IMMP2L: variants seen among roughly 807,000 people sequenced by gnomAD.
IMMP2L encodes the protein inner mitochondrial membrane peptidase subunit 2, also known as mitochondrial inner membrane protease subunit 2.
IMMP2L carries 18 observed loss-of-function variants against 19.3 expected under a neutral mutation model. The observed-to-expected ratio is 0.93, with a 90% CI of 0.64 to 1.38. The LOEUF is 1.38. IMMP2L is among the 40% of genes most tolerant of loss of function. The pLI is 0.00. For synonymous variants in IMMP2L, 76 were observed against 73.0 expected (o/e 1.04, Z -0.21); for missense variants, 233 against 218.2 (o/e 1.07, Z -0.43).
chr7:111,036,395 T>C (rs1585881044), intron 3 of IMMP2L, among the ~76,000 whole-genome samples: 2 of 152,198 alleles, frequency 1.3e-5, no homozygotes, highest in East Asian at 3.9e-4. Flanking sequence ...AGTGTTCGCA[T>C]TTGAGGATTA....
intron 3 of IMMP2L, among the ~76,000 whole-genome samples, chr7:111,009,717 A>T (rs1563156083): frequency 6.6e-6 from 1 of 152,136 alleles, no homozygotes; most frequent in Non-Finnish European, 1.5e-5. Context: ...ATCTTTGGCA[A>T]CACCATAAGC....
intron 3 of IMMP2L, among the ~76,000 whole-genome samples, chr7:111,239,367 C>A (rs554460138): frequency 4.6e-5 from 7 of 152,008 alleles, no homozygotes; most frequent in African/African-American, 1.4e-4. Context: ...AACGAATTAA[C>A]AACAAACCAT....
intron 4 of IMMP2L, among the ~76,000 whole-genome samples, chr7:110,894,643 C>T (rs1429340879): frequency 6.6e-6 from 1 of 152,066 alleles, no homozygotes; most frequent in East Asian, 1.9e-4. Flanking sequence ...TAAATATTTT[C>T]TCCTAATCTC....
rs1809034062 is a variant in IMMP2L, at chr7:111,192,772, T to C, written c.240-229207A>G. ...GAGTGCAAAGTACACAAAGAGAAGA[T>C]CAAATGCAGAACTAAAACAAATAGC... On this transcript the variant is annotated intron_variant, in intron 3 of 5. Coordinates refer to ENST00000405709, the MANE Select transcript of IMMP2L (RefSeq NM_032549.4). Among the ~76,000 whole-genome samples, 4 of 151,864 alleles carry C rather than the reference T, an allele frequency of 2.6e-5. 1 individual carries two copies. Among genetic ancestry groups the C allele is most frequent in the South Asian group, 2.1e-4 (1 of 4,820 alleles).
At chr7:111,206,022 C>T (rs576158529) in intron 3 of IMMP2L, among the ~76,000 whole-genome samples, 69 of 152,298 alleles carry the variant, frequency 4.5e-4, no homozygotes, top group Non-Finnish European at 7.8e-4. Flanking sequence ...ACAATTAAAA[C>T]GTGCTACAAA....
intron 3 of IMMP2L, among the ~76,000 whole-genome samples, chr7:111,011,205 T>C (rs1213389110): frequency 1.3e-5 from 2 of 152,090 alleles, no homozygotes; most frequent in Non-Finnish European, 2.9e-5. Context: ...GAGAAAATCA[T>C]GTGCTAGATT....
chr7:111,158,447 G>T (rs1003985090), intron 3 of IMMP2L, among the ~76,000 whole-genome samples: 4 of 152,026 alleles, frequency 2.6e-5, no homozygotes, highest in Admixed American at 1.3e-4. Context: ...ACTACATACA[G>T]AAAGTAGTGA....
intron 3 of IMMP2L, among the ~76,000 whole-genome samples, chr7:111,002,136 A>C (rs891763689): frequency 1.3e-5 from 2 of 152,140 alleles, no homozygotes; most frequent in Admixed American, 1.3e-4. Context: ...GGGAGTACAA[A>C]TGAAGAGACT....
At chr7:111,351,336 G>A (rs923446739) in intron 3 of IMMP2L, among the ~76,000 whole-genome samples, 2 of 152,022 alleles carry the variant, frequency 1.3e-5, no homozygotes, top group East Asian at 1.9e-4. Context: ...GATTACAGAC[G>A]CGTGCCACCA....
At chr7:111,363,271 C>A (rs1005852893) in intron 3 of IMMP2L, among the ~76,000 whole-genome samples, 1 of 152,060 alleles carries the variant, frequency 6.6e-6, no homozygotes, top group Admixed American at 6.6e-5. Context: ...AGCATCATAA[C>A]CCTGTTAGAA....
chr7:111,515,185 G>C (rs1276143899), intron 2 of IMMP2L, among the ~76,000 whole-genome samples: 1 of 152,080 alleles, frequency 6.6e-6, no homozygotes, highest in Non-Finnish European at 1.5e-5. Context: ...ATGTGCCCAG[G>C]GAATTTGGTG....
intron 3 of IMMP2L, among the ~76,000 whole-genome samples, chr7:111,038,492 A>G (rs1347129632): frequency 6.6e-6 from 1 of 152,136 alleles, no homozygotes; most frequent in African/African-American, 2.4e-5. Context: ...AGGTTAGCAA[A>G]CTCACTAAAA....
intron 3 of IMMP2L, among the ~76,000 whole-genome samples, chr7:111,062,911 T>C (rs2129574626): frequency 6.6e-6 from 1 of 152,212 alleles, no homozygotes; most frequent in East Asian, 1.9e-4. Flanking sequence ...TTTCATGGGC[T>C]GGAATTGAGT....
At chr7:110,796,072 G>GCCTTCCC (rs1800843522) in intron 5 of IMMP2L, among the ~76,000 whole-genome samples, 1 of 151,958 alleles carries the variant, frequency 6.6e-6, no homozygotes, top group Non-Finnish European at 1.5e-5. Flanking sequence ...TTTATAAGGG[G>GCCTTCCC]CCTTCCCCTT....
In IMMP2L at chr7:110,808,507, T is replaced by C. The variant is rs552666111; in HGVS notation, c.408+78086A>G. 2.0e-3 allele frequency among the ~76,000 whole-genome samples: 300 copies of C among 152,206 alleles called. 2 individuals carry two copies. The highest frequency in any genetic ancestry group is 1.2e-3 in the Non-Finnish European group (80 of 67,978). Reference sequence around the variant, plus strand: ...TTGACTTAGCTCCAGGAGTACTGTATAAAACATATGGCACAAGATCCAAGC... The same window carrying C: ...TTGACTTAGCTCCAGGAGTACTGTACAAAACATATGGCACAAGATCCAAGC... On this transcript the variant is annotated intron_variant, in intron 5 of 5. Coordinates refer to ENST00000405709, the MANE Select transcript of IMMP2L (RefSeq NM_032549.4).
At chr7:111,546,003 C>G (rs1848898548) in intron 1 of IMMP2L, among the ~76,000 whole-genome samples, 1 of 152,000 alleles carries the variant, frequency 6.6e-6, no homozygotes, top group Non-Finnish European at 1.5e-5. Flanking sequence ...TCTGCATTTT[C>G]CTTTTTGATT....
chr7:111,282,215 AC>A (rs1274435005), intron 3 of IMMP2L, among the ~76,000 whole-genome samples: 8 of 152,332 alleles, frequency 5.3e-5, no homozygotes, highest in Middle Eastern at 3.4e-3. Context: ...TTCTGGCATG[AC>A]AGTATGAGGA....
chr7:111,433,434 G>A (rs1426900987), intron 3 of IMMP2L, among the ~76,000 whole-genome samples: 2 of 151,828 alleles, frequency 1.3e-5, no homozygotes, highest in Non-Finnish European at 2.9e-5. Context: ...AGCAGGCAAG[G>A]AGAGAAATGA....
At chr7:110,737,567 T>C (rs1305720556) in intron 5 of IMMP2L, among the ~76,000 whole-genome samples, 1 of 152,200 alleles carries the variant, frequency 6.6e-6, no homozygotes, top group Non-Finnish European at 1.5e-5. Flanking sequence ...TGCTCCCACC[T>C]GGTGGTCTTT....
Sources: allele counts gnomAD v4.1 joint callset (sites outside exome capture counted in the v4.1 genomes callset), GRCh38; gene constraint gnomAD v4.1.1; transcripts MANE v1.5; gene names NCBI Gene and HGNC (gene_info 2026-07-23, HGNC 2026-07-21).